The following PTBP3 variants were observed in gnomAD, a reference collection of about 807,000 sequenced individuals.
The protein encoded by PTBP3 is polypyrimidine tract-binding protein 3.
Under a neutral mutation model 58.7 loss-of-function variants are expected in PTBP3, and 20 were observed. The observed-to-expected ratio is 0.34, with a 90% CI of 0.24 to 0.50. The LOEUF (loss-of-function observed/expected upper bound fraction) is 0.50, where lower values mean the gene tolerates loss of function less well. Among genes scored for constraint, PTBP3 ranks in the 20% least tolerant of loss-of-function variants. The pLI, the probability that PTBP3 is intolerant of heterozygous loss-of-function variation, is 0.98. For missense variants in PTBP3, 509 were observed against 637.2 expected, an observed-to-expected ratio of 0.80 and a Z score of 2.17; for synonymous variants, 185 against 219.8, an observed-to-expected ratio of 0.84 and a Z score of 1.40.
intron 1 of PTBP3, among the ~76,000 whole-genome samples, chr9:112,305,811 A>T (rs1355112899): frequency 6.6e-6 from 1 of 152,058 alleles, no homozygotes; most frequent in Non-Finnish European, 1.5e-5. Flanking sequence ...GTGGTGACGG[A>T]CGCCTGTAGT....
At chr9:112,272,075 T>TA (rs796891643) in intron 3 of PTBP3, among the ~76,000 whole-genome samples, 3,084 of 110,714 alleles carry the variant, frequency 0.028, 104 homozygotes, top group African/African-American at 0.11. Context: ...TCTTTTTATT[T>TA]TTTATTTTTT....
intron 10 of PTBP3, among the ~76,000 whole-genome samples, chr9:112,229,740 T>A (rs1235568010): frequency 3.9e-5 from 6 of 152,138 alleles, no homozygotes; most frequent in Non-Finnish European, 8.8e-5. Flanking sequence ...AAAATGTGGG[T>A]GTTTATTTTT....
In PTBP3 at chr9:112,227,478, T is replaced by C; in HGVS notation, c.1297A>G (p.Lys433Glu). The C allele has an allele frequency of 6.2e-7, 1 of 1,614,012 alleles. No individual in the cohort carries two copies. The highest frequency in any genetic ancestry group is 8.5e-7 in the Non-Finnish European group (1 of 1,179,930). Residue 433 changes from lysine (K) to glutamate (E), a missense_variant, in exon 12 of 14, where the codon AAG becomes GAG. Around this residue, in one of 4 missense-constraint regions of PTBP3, gnomAD observed 135 missense variants for 229.0 expected, o/e 0.59. Transcript: ENST00000374257. ...FSNSPLHRFK[K>E]PGSKNFQNIF... ...TTCTGGAAGTTTTTAGAGCCCGGCT[T>C]TTTAAAGCGATGCAAAGGACTATTG...
chr9:112,350,167 G>C, the PTBP3 span, among the ~76,000 whole-genome samples: 1 of 152,044 alleles, frequency 6.6e-6, no homozygotes, highest in Non-Finnish European at 1.5e-5. Context: ...TGGGAGCTAA[G>C]CTATGAGGAT....
the PTBP3 span, among the ~76,000 whole-genome samples, chr9:112,370,318 G>A: frequency 6.6e-6 from 1 of 152,134 alleles, no homozygotes; most frequent in East Asian, 1.9e-4. Flanking sequence ...GAGGCAGGTG[G>A]ATTACTTGAG....
chr9:112,290,707 T>TATACACAC (rs377603008), intron 2 of PTBP3, among the ~76,000 whole-genome samples: 38 of 110,954 alleles, frequency 3.4e-4, no homozygotes, highest in African/African-American at 1.4e-3. Flanking sequence ...TATATATATA[T>TATACACAC]ACACACACAC....
intron 7 of PTBP3, among the ~76,000 whole-genome samples, chr9:112,243,267 G>A (rs1835734632): frequency 6.6e-6 from 1 of 152,142 alleles, no homozygotes; most frequent in Admixed American, 6.6e-5. Context: ...TAGGCCAGGC[G>A]AGGTGGCTCA....
At position 112,298,376 on chromosome 9, in the gene PTBP3, C is replaced by A. The variant is rs145625068; in HGVS notation, c.-51-460G>T. The stretch of plus-strand genomic sequence containing the variant: ...TCTTTATAATCAATAACTTTTTATC[C>A]ATTAATCCTCCAAATGATCTTTAAT... On this transcript the variant is annotated intron_variant, in intron 1 of 13. Transcript: ENST00000374257. 2.6e-3 allele frequency among the ~76,000 whole-genome samples: 402 copies of A among 152,114 alleles called. 1 individual carries two copies. Among genetic ancestry groups the A allele is most frequent in the African/African-American group, 9.0e-3 (375 of 41,510 alleles).
At chr9:112,318,758 CAAA>C (rs369665704) in intron 1 of PTBP3, among the ~76,000 whole-genome samples, 1 of 106,856 alleles carries the variant, frequency 9.4e-6, no homozygotes, top group Admixed American at 9.6e-5. Context: ...AGACTGTCTC[CAAA>C]AAAAAAAAAA....
In PTBP3 at chr9:112,275,825, A is replaced by G. The variant is rs2132202520; in HGVS notation, c.204+19T>C. Reference sequence around the variant, plus strand: ...ATCTGGAGATAATCACTCTTTGTCAATCTTTAAATATTACATACCTGGCTT... The same window carrying G: ...ATCTGGAGATAATCACTCTTTGTCAGTCTTTAAATATTACATACCTGGCTT... On this transcript the variant is annotated intron_variant, in intron 3 of 13. Coordinates refer to ENST00000374257, the MANE Select transcript of PTBP3 (RefSeq NM_001163788.4). 2 of 1,580,500 alleles carry G rather than the reference A, an allele frequency of 1.3e-6. No individual in the cohort carries two copies. Among genetic ancestry groups the G allele is most frequent in the Non-Finnish European group, 1.7e-6 (2 of 1,153,046 alleles).
At chr9:112,344,384 G>A in the PTBP3 span, among the ~76,000 whole-genome samples, 2 of 152,094 alleles carry the variant, frequency 1.3e-5, no homozygotes, top group African/African-American at 4.8e-5. Flanking sequence ...GAATCCATTA[G>A]TTATCACAAG....
intron 2 of PTBP3, among the ~76,000 whole-genome samples, chr9:112,279,406 A>G (rs1408829204): frequency 3.3e-5 from 5 of 152,218 alleles, no homozygotes; most frequent in African/African-American, 7.2e-5. Context: ...TTAAAAATTC[A>G]TAATATTCCC....
intron 1 of PTBP3, among the ~76,000 whole-genome samples, chr9:112,332,115 A>G (rs1348377508): frequency 6.6e-6 from 1 of 152,208 alleles, no homozygotes; most frequent in African/African-American, 2.4e-5. Flanking sequence ...CTTCAATCAA[A>G]CAATAAAAAC....
At chr9:112,331,560 G>A (rs2132496246) in intron 1 of PTBP3, among the ~76,000 whole-genome samples, 1 of 152,250 alleles carries the variant, frequency 6.6e-6, no homozygotes. Context: ...TCTGAAACTT[G>A]AAATTCATTT....
intron 2 of PTBP3, among the ~76,000 whole-genome samples, chr9:112,290,855 C>A (rs1828388147): frequency 6.6e-6 from 1 of 151,710 alleles, no homozygotes; most frequent in Admixed American, 6.6e-5. Context: ...TATCCTAGGA[C>A]CCAATAATTC....
At position 112,220,973 on chromosome 9, in the gene PTBP3, C is replaced by A; in HGVS notation, c.*2878G>T. 2.1e-6 allele frequency: 2 copies of A among 966,884 alleles called. No individual in the cohort carries two copies. The highest frequency in any genetic ancestry group is 2.5e-6 in the Non-Finnish European group (2 of 813,192). The allele number at this position is 966,884 out of a possible 1,614,324, so 59.9% of individuals were successfully genotyped here. A position where few individuals can be genotyped will look rare whatever the true frequency, so the allele number is the denominator to read the frequency against. ...CATGCCAAAACAGAGATACACAGAT[C>A]TAGTTTTTCCACCATCCTGATATTT... On this transcript the variant is annotated 3_prime_UTR_variant, in exon 14 of 14. Coordinates refer to ENST00000374257, the MANE Select transcript of PTBP3 (RefSeq NM_001163788.4).
intron 10 of PTBP3, 35 bp from the exon 11 acceptor site, chr9:112,228,507 T>C (rs1222525862): frequency 1.4e-6 from 2 of 1,390,492 alleles, no homozygotes; most frequent in African/African-American, 2.9e-5. Flanking sequence ...GTGTTTAACG[T>C]CTGATTGTGT....
chr9:112,312,492 T>TG lies in PTBP3; in HGVS notation c.-51-14577_-51-14576insC, dbSNP rs1279822491. Among the ~76,000 whole-genome samples the TG allele has an allele frequency of 4.1e-5, 6 of 146,928 alleles. No homozygotes were observed. In the East Asian group the frequency reaches 7.9e-4, roughly 19 times the overall value. The stretch of plus-strand genomic sequence containing the variant: ...CGAGACCTTGTTTTTTTTTTTGTTT[T>TG]TTTTTTTTAAAAAAAAAAAAAAGGA... On this transcript the variant is annotated intron_variant, in intron 1 of 13. Coordinates refer to ENST00000374257, the MANE Select transcript of PTBP3 (RefSeq NM_001163788.4).
In PTBP3 at chr9:112,220,853, A is replaced by C; in HGVS notation, c.*2998T>G. The stretch of plus-strand genomic sequence containing the variant: ...AGAAGTCAAGACACCTTGAAAAGTG[A>C]TGACAATACTCCTTAAAAATAAAAT... On this transcript the variant is annotated 3_prime_UTR_variant, in exon 14 of 14. Transcript: ENST00000374257. 1.0e-6 allele frequency: 1 copy of C among 968,232 alleles called. No homozygotes were observed. Among genetic ancestry groups the C allele is most frequent in the Non-Finnish European group, 1.2e-6 (1 of 814,304 alleles). 60.0% of individuals were successfully genotyped at this position (968,232 alleles called of 1,614,324 possible).
Sources: gnomAD v4.1 joint callset for allele counts (sites outside exome capture counted in the v4.1 genomes callset) on GRCh38, gnomAD v4.1.1 for gene constraint, gnomAD v4.1.1 regional missense constraint, MANE v1.5 for transcripts, NCBI Gene and HGNC (gene_info 2026-07-23, HGNC 2026-07-21) for gene names.